The following CDYL2 variants were observed in gnomAD, a reference collection of about 807,000 sequenced individuals.
CDYL2 encodes chromodomain Y like 2.
A neutral mutation model predicts 49.4 loss-of-function variants in CDYL2; 23 were observed. The observed-to-expected ratio is 0.47, with a 90% CI of 0.34 to 0.66. The LOEUF is 0.66. CDYL2 is among the 30% of genes least tolerant of loss of function. The pLI is 0.01. For synonymous variants in CDYL2, 360 were observed against 268.8 expected, an observed-to-expected ratio of 1.34 and a Z score of -3.32; for missense variants, 678 against 656.4, an observed-to-expected ratio of 1.03 and a Z score of -0.36.
chr16:80,759,162 A>ATATATATATATGGTTTT (rs1567597575), intron 1 of CDYL2, among the ~76,000 whole-genome samples: 1,444 of 117,886 alleles, frequency 0.012, 50 homozygotes, highest in African/African-American at 0.018. Context: ...TATATGGTTT[A>ATATATATATATGGTTTT]TATATATATA....
chr16:80,646,556 C>T (rs1005976023), intron 2 of CDYL2, among the ~76,000 whole-genome samples: 5 of 152,066 alleles, frequency 3.3e-5, no homozygotes, highest in African/African-American at 7.2e-5. Context: ...TTTGGGAGGC[C>T]AAGGAAGGCA....
rs377083708 is a variant in CDYL2, at chr16:80,604,457, C to T, written c.1452G>A (p.Gln484=). ...VNEKECLMLK[Q]LWSSSKGLDS... is the part of the protein sequence containing the mutation. Reference sequence around the variant, plus strand: ...CAAGGCCTTTGGAGGAGCTCCAGAGCTGCTTGAGCATGAGGCATTCCTTCT... The same window carrying T: ...CAAGGCCTTTGGAGGAGCTCCAGAGTTGCTTGAGCATGAGGCATTCCTTCT... Residue 484 remains glutamine (Q), a synonymous_variant, in exon 7 of 7, where the codon CAG becomes CAA. Transcript: ENST00000570137. 1 of 1,614,182 alleles carries T rather than the reference C, an allele frequency of 6.2e-7. No homozygotes were observed. Among genetic ancestry groups the T allele is most frequent in the Non-Finnish European group, 8.5e-7 (1 of 1,180,026 alleles).
chr16:80,632,112 T>C (rs966295677), intron 3 of CDYL2, among the ~76,000 whole-genome samples: 9 of 152,308 alleles, frequency 5.9e-5, no homozygotes, highest in African/African-American at 2.2e-4. Flanking sequence ...TAAAAACTTG[T>C]ATATAACATT....
chr16:80,723,818 A>G (rs746386902), intron 1 of CDYL2, among the ~76,000 whole-genome samples: 28 of 152,142 alleles, frequency 1.8e-4, no homozygotes, highest in Non-Finnish European at 4.0e-4. Context: ...AAGTCTGCCA[A>G]TTCCTGCTGA....
At chr16:80,790,317 G>C (rs1907570199) in intron 1 of CDYL2, among the ~76,000 whole-genome samples, 1 of 152,154 alleles carries the variant, frequency 6.6e-6, no homozygotes, top group Non-Finnish European at 1.5e-5. Context: ...ACCTAAGATA[G>C]CAAAGACTTT....
chr16:80,637,658 T>A (rs1907899073), intron 2 of CDYL2, among the ~76,000 whole-genome samples: 1 of 135,430 alleles, frequency 7.4e-6, no homozygotes, highest in Non-Finnish European at 1.5e-5. Flanking sequence ...TTGATGTTTT[T>A]TAAAAAAATA....
At chr16:80,688,753 A>G (rs1182025357) in intron 1 of CDYL2, among the ~76,000 whole-genome samples, 1 of 152,110 alleles carries the variant, frequency 6.6e-6, no homozygotes, top group Non-Finnish European at 1.5e-5. Context: ...CTCAAACAGA[A>G]CCTGAATTGT....
chr16:80,733,082 C>T (rs947703877), intron 1 of CDYL2, among the ~76,000 whole-genome samples: 6 of 152,120 alleles, frequency 3.9e-5, no homozygotes, highest in South Asian at 2.1e-4. Context: ...CTACTGATAA[C>T]GTTCTTTCTA....
chr16:80,639,241 C>T (rs1238871624), intron 2 of CDYL2, among the ~76,000 whole-genome samples: 1 of 152,204 alleles, frequency 6.6e-6, no homozygotes, highest in Non-Finnish European at 1.5e-5. Flanking sequence ...AATGCTCATT[C>T]ACTGCTGGTG....
In CDYL2 at chr16:80,635,690, C is replaced by G. The variant is rs115413835; in HGVS notation, c.617-2454G>C. Among the ~76,000 whole-genome samples, 1,269 of 152,262 alleles carry G rather than the reference C, an allele frequency of 8.3e-3. 12 individuals are homozygous for G. Among genetic ancestry groups the G allele is most frequent in the African/African-American group, 0.029 (1,210 of 41,554 alleles). The stretch of plus-strand genomic sequence containing the variant: ...TCTCTATCAAGTTACCACTGAATTT[C>G]TTTACAGAATTAGAAAAAATTACTT... On this transcript the variant is annotated intron_variant, in intron 2 of 6. Transcript: ENST00000570137.
At chr16:80,689,444 G>C (rs535594106) in intron 1 of CDYL2, among the ~76,000 whole-genome samples, 9 of 152,316 alleles carry the variant, frequency 5.9e-5, no homozygotes, top group African/African-American at 2.2e-4. Context: ...ATTCTCATTT[G>C]ACAGGGGAGG....
chr16:80,764,019 A>C (rs907198935), intron 1 of CDYL2, among the ~76,000 whole-genome samples: 1 of 152,192 alleles, frequency 6.6e-6, no homozygotes. Flanking sequence ...GAAATTAAGA[A>C]AAATAAAAGG....
rs575918973 is a variant in CDYL2, at chr16:80,772,647, T to A, written c.24+31503A>T. 1.6e-3 allele frequency among the ~76,000 whole-genome samples: 239 copies of A among 152,138 alleles called. 1 individual carries two copies. The highest frequency in any genetic ancestry group is 5.6e-3 in the African/African-American group (231 of 41,486). ...TTTGTATTTTTAGTAGAGACGGGGTTTCACCGTGTTAGCCAGGATGGTCTC... is the reference window on the plus strand; with the variant it reads ...TTTGTATTTTTAGTAGAGACGGGGTATCACCGTGTTAGCCAGGATGGTCTC... On this transcript the variant is annotated intron_variant, in intron 1 of 6. Coordinates refer to ENST00000570137, the MANE Select transcript of CDYL2 (RefSeq NM_152342.4).
intron 1 of CDYL2, among the ~76,000 whole-genome samples, chr16:80,755,584 C>T (rs1202145973): frequency 1.1e-4 from 17 of 152,182 alleles, no homozygotes; most frequent in Non-Finnish European, 2.4e-4. Flanking sequence ...CTTCTAGAAA[C>T]TTATCCCAAG....
In CDYL2 at chr16:80,684,866, A is replaced by G; in HGVS notation, c.288T>C (p.Pro96=). ...TATGGGAGGTCCCCTTGCTCTTTCC[A>G]GGATCTGAAGGTCTGTGGGACAGTT... The part of the protein sequence containing the change: ...VEKLSHRPSD[P]GKSKGTSHKR... The change falls in exon 2 of 7, where the codon CCT becomes CCC. Residue 96 remains proline (P), a synonymous_variant. Coordinates refer to ENST00000570137, the MANE Select transcript of CDYL2 (RefSeq NM_152342.4). 6.2e-7 allele frequency: 1 copy of G among 1,614,088 alleles called. No individual in the cohort carries two copies. Among genetic ancestry groups the G allele is most frequent in the Non-Finnish European group, 8.5e-7 (1 of 1,180,022 alleles).
At chr16:80,689,238 T>C (rs1910316972) in intron 1 of CDYL2, among the ~76,000 whole-genome samples, 1 of 152,244 alleles carries the variant, frequency 6.6e-6, no homozygotes, top group African/African-American at 2.4e-5. Flanking sequence ...TGTGAGACTC[T>C]GCTCTATTGC....
chr16:80,770,723 A>C (rs1906877774), intron 1 of CDYL2, among the ~76,000 whole-genome samples: 1 of 152,246 alleles, frequency 6.6e-6, no homozygotes, highest in Non-Finnish European at 1.5e-5. Flanking sequence ...TTTTTAAAAT[A>C]AGACATACAA....
At chr16:80,789,432 T>C (rs1907540532) in intron 1 of CDYL2, among the ~76,000 whole-genome samples, 1 of 152,014 alleles carries the variant, frequency 6.6e-6, no homozygotes, top group South Asian at 2.1e-4. Context: ...AAACCCCATC[T>C]CTACTAAAAA....
At chr16:80,653,461 G>A (rs547806630) in intron 2 of CDYL2, among the ~76,000 whole-genome samples, 17 of 152,188 alleles carry the variant, frequency 1.1e-4, no homozygotes, top group Admixed American at 3.3e-4. Flanking sequence ...GTGAAACTCC[G>A]TCTCAAAAAA....
Sources: allele counts gnomAD v4.1 joint callset (sites outside exome capture counted in the v4.1 genomes callset), GRCh38; gene constraint gnomAD v4.1.1; transcripts MANE v1.5; gene names NCBI Gene and HGNC (gene_info 2026-07-23, HGNC 2026-07-21).